The following SKP1 variants were observed in gnomAD, a reference collection of about 807,000 sequenced individuals.
SKP1 encodes S-phase kinase associated protein 1, also known as S-phase kinase-associated protein 1.
A neutral mutation model predicts 21.5 loss-of-function variants in SKP1; 1 was observed. That is an observed-to-expected ratio of 0.05 (90% CI 0.02 to 0.22). SKP1 has a LOEUF of 0.22. SKP1 is among the 10% of genes least tolerant of loss of function. The probability of loss-of-function intolerance (pLI) is 1.00; values close to 1 mark genes in which losing one functional copy is unlikely to be tolerated. For missense variants in SKP1, 70 were observed against 192.0 expected, an observed-to-expected ratio of 0.36 and a Z score of 3.76; for synonymous variants, 59 against 59.3, an observed-to-expected ratio of 0.99 and a Z score of 0.03.
Position 134,152,554 on chromosome 5 carries a change from T to C in SKP1, c.*5179A>G, listed in dbSNP as rs1361025357. ...CTGTTCTGTCCAGAAACTTTTTTTTTTTGAAACGGAGTCTCGCTCTGTCGC... is the reference window on the plus strand; with the variant it reads ...CTGTTCTGTCCAGAAACTTTTTTTTCTTGAAACGGAGTCTCGCTCTGTCGC... On this transcript the variant is annotated 3_prime_UTR_variant, in exon 6 of 6. Coordinates refer to ENST00000353411, the MANE Select transcript of SKP1 (RefSeq NM_170679.3). 1.3e-5 allele frequency: 2 copies of C among 151,074 alleles called. No individual in the cohort carries two copies. Among genetic ancestry groups the C allele is most frequent in the African/African-American group, 5.0e-5 (2 of 40,390 alleles). 9.4% of individuals were successfully genotyped at this position (151,074 alleles called of 1,614,324 possible).
At chr5:134,164,287 C>G (rs1438090722) in intron 3 of SKP1, among the ~76,000 whole-genome samples, 1 of 147,278 alleles carries the variant, frequency 6.8e-6, no homozygotes, top group Non-Finnish European at 1.5e-5. Context: ...CCACTGTACT[C>G]CAGCCTGGGC....
At position 134,176,903 on chromosome 5, in the gene SKP1, G is replaced by A. The variant is rs1366109433; in HGVS notation, c.-49C>T. 3 of 153,178 alleles carry A rather than the reference G, an allele frequency of 2.0e-5. No individual in the cohort carries two copies. The highest frequency in any genetic ancestry group is 1.9e-4 in the East Asian group (1 of 5,198). The allele number at this position is 153,178 out of a possible 1,614,324, so 9.5% of individuals were successfully genotyped here. ...CCGGCGGGAGGCTGACGAGAGCCGG[G>A]AGGCGTTAGCGAAGGAAGAGAAAAA... On this transcript the variant is annotated 5_prime_UTR_variant, in exon 1 of 6. Coordinates refer to ENST00000353411, the MANE Select transcript of SKP1 (RefSeq NM_170679.3).
chr5:134,169,262 C>G (rs1415867214), intron 2 of SKP1, among the ~76,000 whole-genome samples: 2 of 152,122 alleles, frequency 1.3e-5, no homozygotes, highest in African/African-American at 4.8e-5. Context: ...AAAAATAATT[C>G]ATGTTATCTT....
rs1761029831 is a variant in SKP1, at chr5:134,150,615, G to C, written c.*7118C>G. The C allele has an allele frequency of 6.6e-6, 1 of 152,204 alleles. No homozygotes were observed. The highest frequency in any genetic ancestry group is 2.1e-4 in the South Asian group (1 of 4,832). The allele number at this position is 152,204 out of a possible 1,614,324, so 9.4% of individuals were successfully genotyped here. The stretch of plus-strand genomic sequence containing the variant: ...TGAGAGTCCTTAACTGCGACTCTCA[G>C]ATCTCTTCAGAGCATTTTTTAAGCT... On this transcript the variant is annotated 3_prime_UTR_variant, in exon 6 of 6. Transcript: ENST00000353411.
chr5:134,174,622 T>TA (rs1761503761), intron 1 of SKP1: 1 of 257,078 alleles, frequency 3.9e-6, no homozygotes, highest in Non-Finnish European at 6.1e-6. Flanking sequence ...GAGCCCTTTT[T>TA]ATCTTTCAGT....
Position 134,151,776 on chromosome 5 carries a change from G to C in SKP1, c.*5957C>G, listed in dbSNP as rs1314151366. On this transcript the variant is annotated 3_prime_UTR_variant, in exon 6 of 6. Transcript: ENST00000353411. ...GCTCAATACTGGCACACAGACCAGA[G>C]GTAGCCAGCAGTACACAAGACTGCA... The C allele has an allele frequency of 2.3e-6, 1 of 440,528 alleles. No homozygotes were observed. Among genetic ancestry groups the C allele is most frequent in the Non-Finnish European group, 4.6e-6 (1 of 217,768 alleles). The allele number at this position is 440,528 out of a possible 1,614,324, so 27.3% of individuals were successfully genotyped here. A position where few individuals can be genotyped will look rare whatever the true frequency, so the allele number is the denominator to read the frequency against.
At chr5:134,159,360 G>T (rs1205382036) in intron 4 of SKP1, among the ~76,000 whole-genome samples, 1 of 151,976 alleles carries the variant, frequency 6.6e-6, no homozygotes, top group Non-Finnish European at 1.5e-5. Flanking sequence ...GACATACTTT[G>T]TATGACCTGA....
rs903598321 is a variant in SKP1, at chr5:134,149,795, G to A, written c.*7938C>T. On this transcript the variant is annotated 3_prime_UTR_variant, in exon 6 of 6. Transcript: ENST00000353411. ...GTACACAGGGTACCTGAACAATGCAGTCTTTGTGTATTGGCGGGGAAGTCT... is the reference window on the plus strand; with the variant it reads ...GTACACAGGGTACCTGAACAATGCAATCTTTGTGTATTGGCGGGGAAGTCT... The A allele has an allele frequency of 6.6e-6, 1 of 151,876 alleles. No individual in the cohort carries two copies. Among genetic ancestry groups the A allele is most frequent in the Non-Finnish European group, 1.5e-5 (1 of 68,020 alleles). The allele number at this position is 151,876 out of a possible 1,614,324, so 9.4% of individuals were successfully genotyped here.
intron 2 of SKP1, 65 bp downstream of exon 2, chr5:134,173,861 T>G (rs548649739): frequency 2.2e-6 from 2 of 897,182 alleles, no homozygotes; most frequent in African/African-American, 3.3e-5. Context: ...CTCATATAAA[T>G]TTGATATTCA....
Position 134,162,241 on chromosome 5 carries a change from C to T in SKP1, c.172-1111G>A, listed in dbSNP as rs1761233801. 2.0e-5 allele frequency among the ~76,000 whole-genome samples: 3 copies of T among 152,174 alleles called. No individual in the cohort carries two copies. In the South Asian group the frequency reaches 6.2e-4, roughly 32 times the overall value. On this transcript the variant is annotated intron_variant, in intron 3 of 5. Transcript: ENST00000353411. ...TCAGCCTCCCAAGTAGCTGCAACTA[C>T]AGGTGCATGCCACCACACCTGGCTC... is the stretch of plus-strand genomic sequence containing the variant.
chr5:134,151,599 T>C lies in SKP1; in HGVS notation c.*6134A>G, dbSNP rs908631708. ...CAATAAGAGGCTGCTATATAGCAGG[T>C]TGAAAATTTGAAGTTAAGAGATATC... On this transcript the variant is annotated 3_prime_UTR_variant, in exon 6 of 6. Coordinates refer to ENST00000353411, the MANE Select transcript of SKP1 (RefSeq NM_170679.3). The C allele has an allele frequency of 4.4e-6, 2 of 449,944 alleles. No individual in the cohort carries two copies. The highest frequency in any genetic ancestry group is 2.0e-5 in the African/African-American group (1 of 49,866). 27.9% of individuals were successfully genotyped at this position (449,944 alleles called of 1,614,324 possible). A position where few individuals can be genotyped will look rare whatever the true frequency, so the allele number is the denominator to read the frequency against.
At chr5:134,158,255 T>C in intron 5 of SKP1, 200 bp downstream of exon 5, 1 of 1,458,072 alleles carries the variant, frequency 6.9e-7, no homozygotes, top group Non-Finnish European at 9.0e-7. Flanking sequence ...CTAATTGTTC[T>C]TATGCTTAAA....
rs1425037650 is a variant in SKP1, at chr5:134,151,767, C to T, written c.*5966G>A. On this transcript the variant is annotated 3_prime_UTR_variant, in exon 6 of 6. Transcript: ENST00000353411. ...TAGAATGCTGCTCAATACTGGCACACAGACCAGAGGTAGCCAGCAGTACAC... is the reference window on the plus strand; with the variant it reads ...TAGAATGCTGCTCAATACTGGCACATAGACCAGAGGTAGCCAGCAGTACAC... 2 of 451,018 alleles carry T rather than the reference C, an allele frequency of 4.4e-6. No individual in the cohort carries two copies. Among genetic ancestry groups the T allele is most frequent in the Admixed American group, 2.4e-5 (1 of 41,880 alleles). 27.9% of individuals were successfully genotyped at this position (451,018 alleles called of 1,614,324 possible). A position where few individuals can be genotyped will look rare whatever the true frequency, so the allele number is the denominator to read the frequency against.
At chr5:134,161,428 C>G (rs1761216413) in intron 3 of SKP1, 1 of 238,672 alleles carries the variant, frequency 4.2e-6, no homozygotes, top group Admixed American at 5.4e-5. Flanking sequence ...GCAATATGTA[C>G]AACAATGATT....
chr5:134,170,522 G>A (rs906504091), intron 2 of SKP1, among the ~76,000 whole-genome samples: 2 of 152,128 alleles, frequency 1.3e-5, no homozygotes, highest in African/African-American at 4.8e-5. Flanking sequence ...TGGATTAAAA[G>A]GTTTTATTTT....
chr5:134,166,580 CAAAAA>C (rs36106913), intron 3 of SKP1, among the ~76,000 whole-genome samples: 1 of 52,528 alleles, frequency 1.9e-5, no homozygotes, highest in Non-Finnish European at 3.1e-5. Context: ...ACTCTGGTCT[CAAAAA>C]AAAAAAAAAA....
rs1761063776 is a variant in SKP1, at chr5:134,152,862, A to T, written c.*4871T>A. 1 of 152,330 alleles carries T rather than the reference A, an allele frequency of 6.6e-6. No homozygotes were observed. The highest frequency in any genetic ancestry group is 2.4e-5 in the African/African-American group (1 of 41,408). The allele number at this position is 152,330 out of a possible 1,614,324, so 9.4% of individuals were successfully genotyped here. ...GCCCAGGAACATTTTTATTAGAGTT[A>T]TCCACTCCCTCCCAGCAGTATTTAT... On this transcript the variant is annotated 3_prime_UTR_variant, in exon 6 of 6. Transcript: ENST00000353411.
chr5:134,161,858 T>TA (rs1322961813), intron 3 of SKP1: 3 of 152,236 alleles, frequency 2.0e-5, no homozygotes, highest in African/African-American at 7.2e-5. Flanking sequence ...GCTGATTACT[T>TA]AGACTATACA....
rs1477203317 is a variant in SKP1, at chr5:134,149,738, GT to G, written c.*7994del. ...CTAACCAGGGCTTATGCAAGACCAG[GT>G]TGCTGCATCTGATTTGGTGTCTCAC... On this transcript the variant is annotated 3_prime_UTR_variant, in exon 6 of 6. Transcript: ENST00000353411. 2.6e-5 allele frequency: 4 copies of G among 151,022 alleles called. No homozygotes were observed. The highest frequency in any genetic ancestry group is 7.4e-5 in the African/African-American group (3 of 40,702). The allele number at this position is 151,022 out of a possible 1,614,324, so 9.4% of individuals were successfully genotyped here.
Sources: allele counts gnomAD v4.1 joint callset (sites outside exome capture counted in the v4.1 genomes callset), GRCh38; gene constraint gnomAD v4.1.1; transcripts MANE v1.5; gene names NCBI Gene and HGNC (gene_info 2026-07-23, HGNC 2026-07-21).